Variants in FAM177A1 observed in about 807,000 individuals in gnomAD.
FAM177A1 encodes the protein protein FAM177A1.
A neutral mutation model predicts 26.1 loss-of-function variants in FAM177A1; 22 were observed. That is an observed-to-expected ratio of 0.84 (90% CI 0.60 to 1.20). The LOEUF (loss-of-function observed/expected upper bound fraction) is 1.20. Among genes scored for constraint, FAM177A1 ranks in the 50% most tolerant of loss-of-function variants. The probability of loss-of-function intolerance (pLI) is 0.00; values close to 1 mark genes in which losing one functional copy is unlikely to be tolerated. For missense variants in FAM177A1, 296 were observed against 291.1 expected, an observed-to-expected ratio of 1.02 and a Z score of -0.12; for synonymous variants, 95 against 99.3, an observed-to-expected ratio of 0.96 and a Z score of 0.26.
chr14:35,079,056 G>C (rs371724145), intron 4 of FAM177A1, 32 bp downstream of exon 4: 2 of 1,530,846 alleles, frequency 1.3e-6, no homozygotes, highest in Non-Finnish European at 1.7e-6. Flanking sequence ...TCTTGATTCA[G>C]TTTGGTTTGC....
At chr14:35,067,161 A>G (rs1218269551) in intron 2 of FAM177A1, among the ~76,000 whole-genome samples, 1 of 152,104 alleles carries the variant, frequency 6.6e-6, no homozygotes, top group Non-Finnish European at 1.5e-5. Flanking sequence ...TAACTGTAAC[A>G]TTGAGCTCTT....
At chr14:35,051,747 C>G (rs2044975155) in intron 1 of FAM177A1, among the ~76,000 whole-genome samples, 1 of 152,132 alleles carries the variant, frequency 6.6e-6, no homozygotes, top group Non-Finnish European at 1.5e-5. Flanking sequence ...AGTTCAAATC[C>G]TGGCTAATGA....
chr14:35,051,540 GTA>G (rs1211214182), intron 1 of FAM177A1, among the ~76,000 whole-genome samples: 1 of 152,100 alleles, frequency 6.6e-6, no homozygotes, highest in Non-Finnish European at 1.5e-5. Context: ...AGCCTCCCAA[GTA>G]GCTGAAATTA....
chr14:35,077,333 C>A, intron 3 of FAM177A1, 117 bp downstream of exon 3: 1 of 875,516 alleles, frequency 1.1e-6, no homozygotes, highest in Non-Finnish European at 1.9e-6. Context: ...TAATCACTGT[C>A]CTCAAGAGCT....
chr14:35,071,199 G>C (rs752210908), intron 2 of FAM177A1, among the ~76,000 whole-genome samples: 1 of 151,482 alleles, frequency 6.6e-6, no homozygotes, highest in Non-Finnish European at 1.5e-5. Flanking sequence ...GGGTTTCACC[G>C]TGTTAGCCAG....
chr14:35,054,648 C>T (rs2045030409), intron 2 of FAM177A1: 1 of 152,128 alleles, frequency 6.6e-6, no homozygotes. Context: ...AATGTTACTC[C>T]TTTTCATCAG....
chr14:35,080,262 T>A (rs949268258), intron 4 of FAM177A1, among the ~76,000 whole-genome samples: 1 of 152,236 alleles, frequency 6.6e-6, no homozygotes, highest in Non-Finnish European at 1.5e-5. Flanking sequence ...GTAAACTTCT[T>A]GAGGGTAGGT....
chr14:35,057,611 C>T (rs1241215609), intron 2 of FAM177A1, among the ~76,000 whole-genome samples: 1 of 152,130 alleles, frequency 6.6e-6, no homozygotes, highest in Non-Finnish European at 1.5e-5. Flanking sequence ...AAACTCCTGA[C>T]CTAGGTGATC....
chr14:35,047,314 T>C (rs2044883548), intron 1 of FAM177A1, among the ~76,000 whole-genome samples: 1 of 152,266 alleles, frequency 6.6e-6, no homozygotes, highest in Admixed American at 6.5e-5. Context: ...AGTATTTGCA[T>C]TCTCTTTTGG....
chr14:35,070,627 G>T (rs1365680770), intron 2 of FAM177A1, among the ~76,000 whole-genome samples: 1 of 151,860 alleles, frequency 6.6e-6, no homozygotes, highest in East Asian at 1.9e-4. Flanking sequence ...CACACCCGGC[G>T]GAGCTACAAG....
chr14:35,050,036 C>G (rs2044938518), intron 1 of FAM177A1: 1 of 152,186 alleles, frequency 6.6e-6, no homozygotes, highest in South Asian at 2.1e-4. Flanking sequence ...GAGACAGAAT[C>G]TCACTCTGTT....
chr14:35,065,763 C>T (rs1311000892), intron 2 of FAM177A1, among the ~76,000 whole-genome samples: 1 of 149,510 alleles, frequency 6.7e-6, no homozygotes, highest in African/African-American at 2.5e-5. Context: ...ACGACCTCGG[C>T]TCACTGCAAC....
At chr14:35,046,219 A>C (rs1394400732), upstream of FAM177A1, 3 of 351,522 alleles carry the variant, frequency 8.5e-6, no homozygotes, top group Non-Finnish European at 1.5e-5. Context: ...GACGCCCCGC[A>C]AGGACCCGCC....
At chr14:35,060,016 C>T (rs565792638) in intron 2 of FAM177A1, among the ~76,000 whole-genome samples, 2 of 149,978 alleles carry the variant, frequency 1.3e-5, no homozygotes, top group Admixed American at 1.3e-4. Context: ...TCTTGTCGCC[C>T]AGGCGGGAGT....
chr14:35,056,386 C>T (rs1410344554), intron 2 of FAM177A1, among the ~76,000 whole-genome samples: 2 of 150,532 alleles, frequency 1.3e-5, no homozygotes, highest in Non-Finnish European at 3.0e-5. Context: ...GATAGAGTCT[C>T]ACTCTGTCAC....
At chr14:35,046,674 C>A in intron 1 of FAM177A1, 46 bp downstream of exon 1, 3 of 1,497,780 alleles carry the variant, frequency 2.0e-6, no homozygotes, top group Non-Finnish European at 2.7e-6. Context: ...CGAGCCGCCT[C>A]CTTGCCTTCT....
rs533086638 is a variant in FAM177A1 at position 35,055,607 on chromosome 14, T to C, written c.339+2156T>C. On this transcript the variant is annotated intron_variant, in intron 2 of 4. Coordinates refer to ENST00000280987, the MANE Select transcript of FAM177A1 (RefSeq NM_173607.5). ...CACCTCCACGCCCGGCTAATTTTTG[T>C]ATTTTTTTTAGTAGAGATGCAGTTT... Among the ~76,000 whole-genome samples the C allele has an allele frequency of 2.6e-5, 4 of 151,920 alleles. No homozygotes were observed. The South Asian group carries it at 8.3e-4, about 32-fold the overall frequency.
intron 2 of FAM177A1, among the ~76,000 whole-genome samples, chr14:35,065,995 C>T (rs61125355): frequency 0.18 from 27,065 of 151,982 alleles, 2,570 homozygotes; most frequent in East Asian, 0.37. Flanking sequence ...AGCCACTGCA[C>T]CCTGCCTAGA....
rs202187357 is a variant in FAM177A1, at chr14:35,063,823, T to G, written c.339+10372T>G. Among the ~76,000 whole-genome samples the G allele has an allele frequency of 2.1e-4, 31 of 148,636 alleles. No individual in the cohort carries two copies. In the East Asian group the frequency reaches 4.9e-3, roughly 23 times the overall value. On this transcript the variant is annotated intron_variant, in intron 2 of 4. Coordinates refer to ENST00000280987, the MANE Select transcript of FAM177A1 (RefSeq NM_173607.5). ...GGGAGGCTGAGGTGGGCAGATCACTTGAGGCCAGGAGTTTGAGACCAGCCT... is the reference window on the plus strand; with the variant it reads ...GGGAGGCTGAGGTGGGCAGATCACTGGAGGCCAGGAGTTTGAGACCAGCCT...
Sources: gnomAD v4.1 joint callset for allele counts (sites outside exome capture counted in the v4.1 genomes callset) on GRCh38, gnomAD v4.1.1 for gene constraint, MANE v1.5 for transcripts, NCBI Gene and HGNC (gene_info 2026-07-23, HGNC 2026-07-21) for gene names.